Variants in KRTAP4-12 observed in about 807,000 individuals in gnomAD.
KRTAP4-12 encodes the protein keratin-associated protein 4-12.
Under a neutral mutation model 0.9 loss-of-function variants are expected in KRTAP4-12, and 1 was observed. The ratio of observed to expected loss-of-function variants is 1.11; its 90% CI spans 0.40 to 5.29. The LOEUF (loss-of-function observed/expected upper bound fraction) is 5.29, where lower values mean the gene tolerates loss of function less well. Ranked by LOEUF, KRTAP4-12 falls within the 30% of genes most tolerant of loss-of-function variation. The pLI is 0.16. For synonymous variants in KRTAP4-12, 85 were observed against 94.0 expected, an observed-to-expected ratio of 0.90 and a Z score of 0.55; for missense variants, 240 against 265.6, an observed-to-expected ratio of 0.90 and a Z score of 0.67.
At position 41,123,483 on chromosome 17, in the gene KRTAP4-12, C is replaced by A. The variant is rs751048725; in HGVS notation, c.*34G>T. On this transcript the variant is annotated 3_prime_UTR_variant, in exon 1 of 1. Transcript: ENST00000394014. The stretch of plus-strand genomic sequence containing the variant: ...GAGAGCCTTCATCTGTAGGAAAGGA[C>A]GTAATAAGGAAGTGGTGTGTTCACA... The A allele has an allele frequency of 3.8e-5, 60 of 1,580,748 alleles. No homozygotes were observed. The highest frequency in any genetic ancestry group is 5.0e-5 in the Non-Finnish European group (58 of 1,162,530).
At position 41,123,638 on chromosome 17, in the gene KRTAP4-12, C is replaced by A. The variant is rs565504144; in HGVS notation, c.485G>T (p.Arg162Leu). The stretch of plus-strand genomic sequence containing the variant: ...GACTGGACGCAGGCAGCAGCAGGGG[C>A]GGCAGCAGCTGGATTCACAGCAAGA... ...CPSCCESSCCRPCCCLRPVCG... is the reference protein window; with the variant it reads ...CPSCCESSCCLPCCCLRPVCG... Residue 162 changes from arginine (R) to leucine (L), a missense_variant, in exon 1 of 1, where the codon CGC (arginine) becomes CTC (leucine). Arg to Leu is a moderately radical substitution (Grantham distance 102, BLOSUM62 -2). Transcript: ENST00000394014. 3 of 1,613,216 alleles carry A rather than the reference C, an allele frequency of 1.9e-6. No homozygotes were observed. The highest frequency in any genetic ancestry group is 1.1e-5 in the South Asian group (1 of 91,036).
In KRTAP4-12 at chr17:41,123,214, G is replaced by A. The variant is rs1464459577; in HGVS notation, c.*303C>T. 3 of 557,180 alleles carry A rather than the reference G, an allele frequency of 5.4e-6. No homozygotes were observed. The highest frequency in any genetic ancestry group is 3.8e-5 in the African/African-American group (2 of 53,016). 34.5% of individuals were successfully genotyped at this position (557,180 alleles called of 1,614,324 possible). A position where few individuals can be genotyped will look rare whatever the true frequency, so the allele number is the denominator to read the frequency against. ...TTCAAGGTTGGAGGCTTTAAGATCT[G>A]TGGCCCTACAAATGATGGAGGCAAT... is the stretch of plus-strand genomic sequence containing the variant. On this transcript the variant is annotated 3_prime_UTR_variant, in exon 1 of 1. Coordinates refer to ENST00000394014, the MANE Select transcript of KRTAP4-12 (RefSeq NM_031854.3).
At position 41,124,026 on chromosome 17, in the gene KRTAP4-12, T is replaced by G. The variant is rs774159474; in HGVS notation, c.97A>C (p.Thr33Pro). The change falls in exon 1 of 1, where the codon ACC becomes CCC. Residue 33 changes from threonine (T) to proline (P), a missense_variant. By Grantham distance (38) the Thr-to-Pro change is conservative. This residue lies in a region of KRTAP4-12 where 110 missense variants were observed against 115.0 expected (regional missense o/e 0.96). Coordinates refer to ENST00000394014, the MANE Select transcript of KRTAP4-12 (RefSeq NM_031854.3). Reference sequence around the variant, plus strand: ...CAGCAGCTGGGGCGGCAGCAGGTGGTCCTGCAGCAGGTGGTCTGGCAGCAG... The same window carrying G: ...CAGCAGCTGGGGCGGCAGCAGGTGGGCCTGCAGCAGGTGGTCTGGCAGCAG... ...PSCCQTTCCR[T>P]TCCRPSCCVS... The G allele has an allele frequency of 5.6e-6, 9 of 1,609,300 alleles. No individual in the cohort carries two copies. The South Asian group carries it at 9.9e-5, about 18-fold the overall frequency.
rs113439040 is a variant in KRTAP4-12, at chr17:41,124,145, C to T, written c.-23G>A. The stretch of plus-strand genomic sequence containing the variant: ...CATGGTGTCAGAGGGTGGAGGTTCT[C>T]GGTGGGTTTCCAGGAGAGTGAGTGT... On this transcript the variant is annotated 5_prime_UTR_variant, in exon 1 of 1. Transcript: ENST00000394014. 6.6e-5 allele frequency: 105 copies of T among 1,591,130 alleles called. 1 individual carries two copies. The highest frequency in any genetic ancestry group is 5.9e-4 in the African/African-American group (44 of 74,030).
At position 41,124,128 on chromosome 17, in the gene KRTAP4-12, C is replaced by G; in HGVS notation, c.-6G>C. On this transcript the variant is annotated 5_prime_UTR_variant, in exon 1 of 1. Transcript: ENST00000394014. ...CCACAACAGGAGTTGACCATGGTGT[C>G]AGAGGGTGGAGGTTCTCGGTGGGTT... 2 of 1,605,430 alleles carry G rather than the reference C, an allele frequency of 1.2e-6. No homozygotes were observed. Among genetic ancestry groups the G allele is most frequent in the Non-Finnish European group, 1.7e-6 (2 of 1,174,396 alleles).
Position 41,123,518 on chromosome 17 carries a change from T to A in KRTAP4-12, c.605A>T (p.Ter202LeuextTer17). Residue 202 changes from the stop codon to leucine (L), a stop_lost, in exon 1 of 1, where the codon TAA (stop) becomes TTA (leucine). Transcript: ENST00000394014. ...AAGTGGTGTGTTCACAGCAGAGATT[T>A]AGCAGCAAGAGGAGGCACAGCACAA... Reference protein sequence around the residue: ...RPLCCASSCC* With the variant: ...RPLCCASSCCL 6.2e-7 allele frequency: 1 copy of A among 1,610,816 alleles called. No homozygotes were observed. The highest frequency in any genetic ancestry group is 8.5e-7 in the Non-Finnish European group (1 of 1,178,462).
Position 41,123,834 on chromosome 17 carries a change from G to C in KRTAP4-12, c.289C>G (p.Gln97Glu), listed in dbSNP as rs1161845584. 6.2e-7 allele frequency: 1 copy of C among 1,612,284 alleles called. No homozygotes were observed. Among genetic ancestry groups the C allele is most frequent in the East Asian group, 2.2e-5 (1 of 44,804 alleles). Residue 97 changes from glutamine to glutamate, a missense_variant, in exon 1 of 1, where the codon CAG becomes GAG. Gln to Glu is a conservative substitution (Grantham distance 29). Transcript: ENST00000394014. ...CAGCTGGGGCGGCAGCAGGTGGGCTGGCAGCACACAGACTGGCAGCACTGG... is the reference window on the plus strand; with the variant it reads ...CAGCTGGGGCGGCAGCAGGTGGGCTCGCAGCACACAGACTGGCAGCACTGG... Reference protein sequence around the residue: ...RPQCCQSVCCQPTCCRPSCCQ... With the variant: ...RPQCCQSVCCEPTCCRPSCCQ...
In KRTAP4-12 at chr17:41,124,022, G is replaced by T. The variant is rs139615301; in HGVS notation, c.101C>A (p.Thr34Asn). Reference sequence around the variant, plus strand: ...CACACAGCAGCTGGGGCGGCAGCAGGTGGTCCTGCAGCAGGTGGTCTGGCA... The same window carrying T: ...CACACAGCAGCTGGGGCGGCAGCAGTTGGTCCTGCAGCAGGTGGTCTGGCA... ...SCCQTTCCRT[T>N]CCRPSCCVSS... is the part of the protein sequence containing the mutation. The change falls in exon 1 of 1, where the codon ACC (threonine) becomes AAC (asparagine). Residue 34 changes from threonine (T) to asparagine (N), a missense_variant. By Grantham distance (65) the Thr-to-Asn change is moderately conservative. Transcript: ENST00000394014. 2.9e-3 allele frequency: 4,742 copies of T among 1,611,990 alleles called. 125 individuals are homozygous for T. In the African/African-American group the frequency reaches 0.057, roughly 19 times the overall value.
rs2014454804 is a variant in KRTAP4-12, at chr17:41,123,847, C to T, written c.276G>A (p.Gln92=). The T allele has an allele frequency of 6.2e-7, 1 of 1,607,270 alleles. No individual in the cohort carries two copies. Among genetic ancestry groups the T allele is most frequent in the Non-Finnish European group, 8.5e-7 (1 of 1,178,324 alleles). ...AGCAGGTGGGCTGGCAGCACACAGA[C>T]TGGCAGCACTGGGGTCTGCAGCAGC... ...VSSCCRPQCC[Q]SVCCQPTCCR... Residue 92 remains glutamine (Q), a synonymous_variant, in exon 1 of 1, where the codon CAG becomes CAA. Transcript: ENST00000394014.
chr17:41,123,959 C>T lies in KRTAP4-12; in HGVS notation c.164G>A (p.Cys55Tyr), dbSNP rs1430562118. 3.2e-6 allele frequency: 5 copies of T among 1,560,980 alleles called. No homozygotes were observed. Among genetic ancestry groups the T allele is most frequent in the Non-Finnish European group, 3.4e-6 (4 of 1,170,710 alleles). Reference sequence around the variant, plus strand: ...GGGGCGGCAGCAGGTGGGCTGACAGCACACAGACTGGCAGCACTGGGGCCT... The same window carrying T: ...GGGGCGGCAGCAGGTGGGCTGACAGTACACAGACTGGCAGCACTGGGGCCT... ...CCRPQCCQSV[C>Y]CQPTCCRPSC... The change falls in exon 1 of 1, where the codon TGC (cysteine) becomes TAC (tyrosine). Residue 55 changes from cysteine (C) to tyrosine (Y), a missense_variant. Physicochemically the swap from Cys to Tyr is radical, Grantham distance 194. Coordinates refer to ENST00000394014, the MANE Select transcript of KRTAP4-12 (RefSeq NM_031854.3).
Position 41,123,621 on chromosome 17 carries a change from G to A in KRTAP4-12, c.502C>T (p.Arg168Cys), listed in dbSNP as rs768655983. The A allele has an allele frequency of 8.1e-6, 13 of 1,613,186 alleles. No individual in the cohort carries two copies. The highest frequency in any genetic ancestry group is 4.4e-5 in the South Asian group (4 of 91,046). The change falls in exon 1 of 1, where the codon CGT becomes TGT. Residue 168 changes from arginine to cysteine, a missense_variant. This residue lies in a region of KRTAP4-12 where 119 missense variants were observed against 106.2 expected (regional missense o/e 1.12). Transcript: ENST00000394014. ...SSCCRPCCCL[R>C]PVCGRVSCHT... ...CAGGAGACTCGGCCACAGACTGGAC[G>A]CAGGCAGCAGCAGGGGCGGCAGCAG...
rs762116714 is a variant in KRTAP4-12 at position 41,124,125 on chromosome 17, T to C, written c.-3A>G. 1.2e-6 allele frequency: 2 copies of C among 1,606,482 alleles called. No homozygotes were observed. The highest frequency in any genetic ancestry group is 2.2e-5 in the South Asian group (2 of 90,352). On this transcript the variant is annotated 5_prime_UTR_variant, in exon 1 of 1. Transcript: ENST00000394014. ...GAGCCACAACAGGAGTTGACCATGG[T>C]GTCAGAGGGTGGAGGTTCTCGGTGG...
Position 41,123,886 on chromosome 17 carries a change from G to T in KRTAP4-12, c.237C>A (p.Ser79Arg), listed in dbSNP as rs1310420012. 5 of 1,570,818 alleles carry T rather than the reference G, an allele frequency of 3.2e-6. No homozygotes were observed. The highest frequency in any genetic ancestry group is 2.5e-5 in the East Asian group (1 of 39,612). ...TCCRTTCCRP[S>R]CCVSSCCRPQ... ...GTCTGCAGCAGCTGGACACACAGCA[G>T]CTGGGGCGGCAGCAGGTGGTCCTAC... The change falls in exon 1 of 1, where the codon AGC becomes AGA. Residue 79 changes from serine (S) to arginine (R), a missense_variant. Ser to Arg is a moderately radical substitution (Grantham distance 110, BLOSUM62 -1). Transcript: ENST00000394014.
Position 41,123,186 on chromosome 17 carries a change from G to T in KRTAP4-12, c.*331C>A, listed in dbSNP as rs1332699334. The T allele has an allele frequency of 1.9e-5, 9 of 474,714 alleles. No homozygotes were observed. Among genetic ancestry groups the T allele is most frequent in the Non-Finnish European group, 3.3e-5 (9 of 273,872 alleles). The allele number at this position is 474,714 out of a possible 1,614,324, so 29.4% of individuals were successfully genotyped here. On this transcript the variant is annotated 3_prime_UTR_variant, in exon 1 of 1. Transcript: ENST00000394014. ...AGACTTTAAGAGAGAGACTTCACTG[G>T]ACTTCAAGGTTGGAGGCTTTAAGAT...
In KRTAP4-12 at chr17:41,123,235, G is replaced by T. The variant is rs1443185727; in HGVS notation, c.*282C>A. 3.3e-6 allele frequency: 2 copies of T among 604,700 alleles called. No individual in the cohort carries two copies. Among genetic ancestry groups the T allele is most frequent in the Non-Finnish European group, 5.5e-6 (2 of 361,656 alleles). 37.5% of individuals were successfully genotyped at this position (604,700 alleles called of 1,614,324 possible). A position where few individuals can be genotyped will look rare whatever the true frequency, so the allele number is the denominator to read the frequency against. Reference sequence around the variant, plus strand: ...ATCTGTGGCCCTACAAATGATGGAGGCAATCTTCAAATTCCTTAGGCATGA... The same window carrying T: ...ATCTGTGGCCCTACAAATGATGGAGTCAATCTTCAAATTCCTTAGGCATGA... On this transcript the variant is annotated 3_prime_UTR_variant, in exon 1 of 1. Coordinates refer to ENST00000394014, the MANE Select transcript of KRTAP4-12 (RefSeq NM_031854.3).
In KRTAP4-12 at chr17:41,124,180, G is replaced by C; in HGVS notation, c.-58C>G. The stretch of plus-strand genomic sequence containing the variant: ...CCAGGAGAGTGAGTGTTCTGAGTTT[G>C]ATCTCTCCTTGTTCTCTCTTTTGCT... On this transcript the variant is annotated 5_prime_UTR_variant, in exon 1 of 1. The change creates a new upstream start codon in the 5' untranslated region. Coordinates refer to ENST00000394014, the MANE Select transcript of KRTAP4-12 (RefSeq NM_031854.3). The C allele has an allele frequency of 1.9e-6, 3 of 1,563,376 alleles. No individual in the cohort carries two copies. Among genetic ancestry groups the C allele is most frequent in the Non-Finnish European group, 2.6e-6 (3 of 1,155,110 alleles).
rs760672700 is a variant in KRTAP4-12, at chr17:41,124,099, A to G, written c.24T>C (p.Ser8=). 23 of 1,612,744 alleles carry G rather than the reference A, an allele frequency of 1.4e-5. No homozygotes were observed. Among genetic ancestry groups the G allele is most frequent in the African/African-American group, 1.2e-4 (9 of 74,640 alleles). ...GGCCACAGCCCTGGTCAGAGCACAC[A>G]GAGCCACAACAGGAGTTGACCATGG... MVNSCCG[S]VCSDQGCGLE... Residue 8 remains serine (S), a synonymous_variant, in exon 1 of 1, where the codon TCT becomes TCC. Transcript: ENST00000394014.
Position 41,123,431 on chromosome 17 carries a change from C to A in KRTAP4-12, c.*86G>T, listed in dbSNP as rs1471331737. On this transcript the variant is annotated 3_prime_UTR_variant, in exon 1 of 1. Transcript: ENST00000394014. ...TTTGCTTATGGGACCCAGATCAATT[C>A]TCTTGAACAGTCCGCATGTTTGCAA... The A allele has an allele frequency of 1.4e-5, 21 of 1,500,906 alleles. No individual in the cohort carries two copies. The highest frequency in any genetic ancestry group is 4.0e-4 in the Middle Eastern group (2 of 5,014). The allele number at this position is 1,500,906 out of a possible 1,614,324, so 93.0% of individuals were successfully genotyped here. A position where few individuals can be genotyped will look rare whatever the true frequency, so the allele number is the denominator to read the frequency against.
In KRTAP4-12 at chr17:41,123,445, G is replaced by C; in HGVS notation, c.*72C>G. 1.3e-6 allele frequency: 2 copies of C among 1,523,318 alleles called. No individual in the cohort carries two copies. The highest frequency in any genetic ancestry group is 1.3e-5 in the South Asian group (1 of 76,942). 94.4% of individuals were successfully genotyped at this position (1,523,318 alleles called of 1,614,324 possible). On this transcript the variant is annotated 3_prime_UTR_variant, in exon 1 of 1. Coordinates refer to ENST00000394014, the MANE Select transcript of KRTAP4-12 (RefSeq NM_031854.3). ...CCAGATCAATTCTCTTGAACAGTCC[G>C]CATGTTTGCAATGAGAGCCTTCATC...
Sources: gnomAD v4.1 joint callset for allele counts on GRCh38, gnomAD v4.1.1 for gene constraint, gnomAD v4.1.1 regional missense constraint, MANE v1.5 for transcripts, NCBI Gene and HGNC (gene_info 2026-07-23, HGNC 2026-07-21) for gene names.